PSMA1: variants seen among roughly 807,000 people sequenced by gnomAD.
PSMA1 encodes the protein proteasome subunit alpha type-1.
PSMA1 carries 3 observed loss-of-function variants against 38.4 expected under a neutral mutation model. The ratio of observed to expected loss-of-function variants is 0.08; its 90% CI spans 0.04 to 0.20. The LOEUF (loss-of-function observed/expected upper bound fraction) is 0.20, where lower values mean the gene tolerates loss of function less well. Among genes scored for constraint, PSMA1 ranks in the 10% least tolerant of loss-of-function variants. The pLI, the probability that PSMA1 is intolerant of heterozygous loss-of-function variation, is 1.00. For synonymous variants in PSMA1, 101 were observed against 107.1 expected (o/e 0.94, Z 0.35); for missense variants, 227 against 325.3 (o/e 0.70, Z 2.32).
At chr11:14,562,254 A>G (rs1409871903) in intron 2 of PSMA1, among the ~76,000 whole-genome samples, 1 of 152,236 alleles carries the variant, frequency 6.6e-6, no homozygotes, top group Non-Finnish European at 1.5e-5. Flanking sequence ...ATAGTTTCAG[A>G]GCAGTGAGGT....
rs937609006 is a variant in PSMA1, at chr11:14,587,869, A to G, written c.21+23097T>C. On this transcript the variant is annotated intron_variant, in intron 2 of 10. Coordinates refer to the PSMA1 transcript ENST00000418988. ...ATTGATTTATATACTCCCTGACAGC[A>G]TAGCCATTTTCTTCTTTTTGTGTCT... is the stretch of plus-strand genomic sequence containing the variant. Among the ~76,000 whole-genome samples, 16 of 152,326 alleles carry G rather than the reference A, an allele frequency of 1.1e-4. No individual in the cohort carries two copies. In the South Asian group the frequency reaches 1.7e-3, roughly 16 times the overall value.
At chr11:14,533,540 T>G (rs1851671160) in intron 2 of PSMA1, among the ~76,000 whole-genome samples, 1 of 152,128 alleles carries the variant, frequency 6.6e-6, no homozygotes, top group Non-Finnish European at 1.5e-5. Flanking sequence ...TCACTCAAAC[T>G]ATAGGCTTCA....
intron 2 of PSMA1, among the ~76,000 whole-genome samples, chr11:14,543,392 G>GA (rs985176388): frequency 6.6e-6 from 1 of 152,122 alleles, no homozygotes; most frequent in Non-Finnish European, 1.5e-5. Flanking sequence ...TTTGTCTTTT[G>GA]AAAGATAGCT....
intron 2 of PSMA1, among the ~76,000 whole-genome samples, chr11:14,539,797 C>T (rs1357101387): frequency 1.3e-5 from 2 of 151,266 alleles, no homozygotes; most frequent in Admixed American, 1.3e-4. Context: ...TGCAGTGAGC[C>T]GAGATTGCGC....
intron 2 of PSMA1, among the ~76,000 whole-genome samples, chr11:14,544,724 C>A (rs1851807966): frequency 6.6e-6 from 1 of 152,146 alleles, no homozygotes; most frequent in Non-Finnish European, 1.5e-5. Flanking sequence ...CAAACCACTG[C>A]CAGTAGTAAC....
intron 7 of PSMA1, among the ~76,000 whole-genome samples, chr11:14,513,137 C>G (rs536859222): frequency 1.3e-5 from 2 of 152,326 alleles, no homozygotes; most frequent in East Asian, 3.9e-4. Flanking sequence ...TTACCTTCTT[C>G]TCCCTCAACT....
chr11:14,573,003 C>T (rs991800793), intron 2 of PSMA1, among the ~76,000 whole-genome samples: 3 of 152,028 alleles, frequency 2.0e-5, no homozygotes, highest in Middle Eastern at 3.4e-3. Flanking sequence ...TAACAGGAGC[C>T]GAAACTGAGG....
chr11:14,511,172 C>T (rs933762090), intron 7 of PSMA1: 6 of 341,934 alleles, frequency 1.8e-5, no homozygotes, highest in African/African-American at 4.3e-5. Context: ...ATTTTTGTTA[C>T]GATTTTGATC....
At chr11:14,638,583 ATATTTTT>A (rs1853156786) in intron 1 of PSMA1, among the ~76,000 whole-genome samples, 1 of 7,494 alleles carries the variant, frequency 1.3e-4, no homozygotes, top group Non-Finnish European at 2.3e-4. Context: ...ATATATATAT[ATATTTTT>A]TTTTTTTTTT....
intron 2 of PSMA1, among the ~76,000 whole-genome samples, chr11:14,558,904 A>C (rs148067510): frequency 1.8e-3 from 279 of 152,308 alleles, no homozygotes; most frequent in Non-Finnish European, 2.7e-3. Context: ...CTACACAAAG[A>C]GAATGCTGTT....
At chr11:14,523,520 C>G (rs544221721), upstream of PSMA1, among the ~76,000 whole-genome samples, 3 of 152,126 alleles carry the variant, frequency 2.0e-5, no homozygotes, top group South Asian at 6.2e-4. Context: ...GATCCTCCCT[C>G]CTTGGCCTCC....
rs560470537 is a variant in PSMA1, at chr11:14,517,841, G to A, written c.150+39C>T. 23 of 1,517,920 alleles carry A rather than the reference G, an allele frequency of 1.5e-5. No homozygotes were observed. The Admixed American group carries it at 2.4e-4, about 16-fold the overall frequency. 94.0% of individuals were successfully genotyped at this position (1,517,920 alleles called of 1,614,324 possible). A position where few individuals can be genotyped will look rare whatever the true frequency, so the allele number is the denominator to read the frequency against. ...TATTTTCTATGGTGAAATTTACATT[G>A]TTTTCTACAGAGGAAGACATATTTA... On this transcript the variant is annotated intron_variant, in intron 3 of 9. Coordinates refer to ENST00000396394, the MANE Select transcript of PSMA1 (RefSeq NM_002786.4).
At chr11:14,521,332 AAT>A (rs1491079015), upstream of PSMA1, among the ~76,000 whole-genome samples, 65 of 22,370 alleles carry the variant, frequency 2.9e-3, no homozygotes, top group South Asian at 0.023. Flanking sequence ...GAATAAGAAT[AAT>A]AAAAAAAAAA....
chr11:14,540,312 T>A (rs1034449124), intron 2 of PSMA1, among the ~76,000 whole-genome samples: 2 of 152,124 alleles, frequency 1.3e-5, no homozygotes, highest in Non-Finnish European at 2.9e-5. Context: ...TGGGTGACAC[T>A]CCTCCCAGTT....
intron 1 of PSMA1, among the ~76,000 whole-genome samples, chr11:14,642,202 G>C (rs1407796554): frequency 1.3e-5 from 2 of 152,134 alleles, no homozygotes; most frequent in Non-Finnish European, 1.5e-5. Flanking sequence ...TTTCAATAAT[G>C]CTGGTGCTAG....
chr11:14,582,952 A>C (rs949639794), intron 2 of PSMA1, among the ~76,000 whole-genome samples: 1 of 152,178 alleles, frequency 6.6e-6, no homozygotes, highest in Non-Finnish European at 1.5e-5. Context: ...ACAAATGATC[A>C]TCATTTTGTA....
intron 2 of PSMA1, among the ~76,000 whole-genome samples, chr11:14,587,595 T>G (rs544191490): frequency 6.6e-6 from 1 of 152,198 alleles, no homozygotes; most frequent in Non-Finnish European, 1.5e-5. Flanking sequence ...TTTTTTTTTT[T>G]TGTCTTTTTT....
chr11:14,604,325 G>A (rs1027607788), intron 2 of PSMA1, among the ~76,000 whole-genome samples: 5 of 152,138 alleles, frequency 3.3e-5, no homozygotes, highest in Admixed American at 6.5e-5. Context: ...GCCTCCCAAA[G>A]TGTTGGGATT....
chr11:14,618,379 T>C (rs1213000822), intron 1 of PSMA1, among the ~76,000 whole-genome samples: 1 of 152,224 alleles, frequency 6.6e-6, no homozygotes, highest in Non-Finnish European at 1.5e-5. Context: ...TTATTGCCTC[T>C]TCTAGAACTG....
Sources: gnomAD v4.1 joint callset for allele counts (sites outside exome capture counted in the v4.1 genomes callset) on GRCh38, gnomAD v4.1.1 for gene constraint, MANE v1.5 for transcripts, NCBI Gene and HGNC (gene_info 2026-07-23, HGNC 2026-07-21) for gene names.